Variants in LRIF1 observed in about 807,000 individuals in gnomAD.
The protein encoded by LRIF1 is ligand dependent nuclear receptor interacting factor 1, also known as ligand-dependent nuclear receptor-interacting factor 1.
In LRIF1, 32 loss-of-function variants were observed where a neutral mutation model predicts 52.7. That is an observed-to-expected ratio of 0.61 (90% CI 0.46 to 0.82). The LOEUF (loss-of-function observed/expected upper bound fraction) is 0.82. Ranked by LOEUF, LRIF1 falls within the 40% of genes least tolerant of loss-of-function variation. The pLI, the probability that LRIF1 is intolerant of heterozygous loss-of-function variation, is 0.00. For synonymous variants in LRIF1, 323 were observed against 317.4 expected, an observed-to-expected ratio of 1.02 and a Z score of -0.19; for missense variants, 887 against 892.0, an observed-to-expected ratio of 0.99 and a Z score of 0.07.
At chr1:110,903,899 G>A in the LRIF1 span, among the ~76,000 whole-genome samples, 1 of 152,338 alleles carries the variant, frequency 6.6e-6, no homozygotes, top group Non-Finnish European at 1.5e-5. Flanking sequence ...GGAGCCCACT[G>A]CCCTGAAGGG....
At chr1:110,888,511 T>G in the LRIF1 span, among the ~76,000 whole-genome samples, 4 of 152,340 alleles carry the variant, frequency 2.6e-5, no homozygotes, top group Middle Eastern at 3.4e-3. Context: ...TTCAGTGTTT[T>G]GCAGACCATT....
chr1:110,927,864 A>G, the LRIF1 span, among the ~76,000 whole-genome samples: 1 of 152,226 alleles, frequency 6.6e-6, no homozygotes, highest in African/African-American at 2.4e-5. Flanking sequence ...AGCAGCTGTT[A>G]TAGTACATAT....
the LRIF1 span, among the ~76,000 whole-genome samples, chr1:110,895,565 T>C: frequency 6.6e-6 from 1 of 152,154 alleles, no homozygotes; most frequent in Admixed American, 6.6e-5. Flanking sequence ...TATAATCTAT[T>C]TGTGTCTCGA....
At chr1:110,899,091 G>A in the LRIF1 span, 1 of 1,578,244 alleles carries the variant, frequency 6.3e-7, no homozygotes, top group Admixed American at 1.7e-5. Context: ...CTTTTCTTAT[G>A]AAGACTTCAA....
intron 1 of LRIF1, among the ~76,000 whole-genome samples, chr1:110,959,651 G>A (rs1164521369): frequency 1.3e-5 from 2 of 149,712 alleles, no homozygotes; most frequent in African/African-American, 2.5e-5. Flanking sequence ...TTGGGAGGCT[G>A]AGGCAGGAGA....
the LRIF1 span, among the ~76,000 whole-genome samples, chr1:110,889,555 C>CAAAT: frequency 0.3 from 43,148 of 146,170 alleles, 7,620 homozygotes; most frequent in African/African-American, 0.5. Flanking sequence ...AAAACTCCGT[C>CAAAT]AAATAAATAA....
At chr1:110,886,845 C>T in the LRIF1 span, among the ~76,000 whole-genome samples, 6 of 38,904 alleles carry the variant, frequency 1.5e-4, no homozygotes, top group Non-Finnish European at 3.1e-4. Flanking sequence ...ACTCTGTCTC[C>T]AATATATATA....
chr1:110,951,469 A>G lies in LRIF1; in HGVS notation c.1415T>C (p.Leu472Ser). 2.5e-6 allele frequency: 4 copies of G among 1,614,132 alleles called. No individual in the cohort carries two copies. In the East Asian group the frequency reaches 6.7e-5, roughly 27 times the overall value. The stretch of plus-strand genomic sequence containing the variant: ...AACTGGAAAGATTGGATTTGTGAAT[A>G]AAGTCTTACTCTGTTTTAAGTAGTT... ...SSNYLKQSKT[L>S]FTNPIFPVGF... The change falls in exon 2 of 4, where the codon TTA becomes TCA. Residue 472 changes from leucine to serine, a missense_variant. Leu to Ser is a moderately radical substitution (Grantham distance 145). Coordinates refer to ENST00000369763, the MANE Select transcript of LRIF1 (RefSeq NM_018372.4).
chr1:110,922,692 C>G, the LRIF1 span, among the ~76,000 whole-genome samples: 1 of 152,266 alleles, frequency 6.6e-6, no homozygotes, highest in East Asian at 1.9e-4. Flanking sequence ...TAACAAATTA[C>G]CACAAACTTA....
At chr1:110,947,171 A>G (rs1658232604), downstream of LRIF1, 1 of 152,220 alleles carries the variant, frequency 6.6e-6, no homozygotes, top group Non-Finnish European at 1.5e-5. Context: ...CAAATCAAAG[A>G]TTAACCAGAC....
At chr1:110,962,497 C>A (rs769346724) in intron 1 of LRIF1, among the ~76,000 whole-genome samples, 33 of 152,054 alleles carry the variant, frequency 2.2e-4, no homozygotes, top group Non-Finnish European at 1.0e-4. Flanking sequence ...TTTCTACTTG[C>A]AATTAAAGAA....
At chr1:110,920,198 C>T in the LRIF1 span, among the ~76,000 whole-genome samples, 1 of 152,104 alleles carries the variant, frequency 6.6e-6, no homozygotes, top group South Asian at 2.1e-4. Context: ...TTGGTGTTTA[C>T]CCAAAAGAAT....
rs1658635013 is a variant in LRIF1, at chr1:110,954,924, C to T, written c.69-2109G>A. On this transcript the variant is annotated intron_variant, in intron 1 of 3. Coordinates refer to ENST00000369763, the MANE Select transcript of LRIF1 (RefSeq NM_018372.4). ...TTACCAAAGCTTAGAAAGAATCCTT[C>T]TCTTCCTATTCTGTACTCTTTTGTT... 5.3e-5 allele frequency among the ~76,000 whole-genome samples: 8 copies of T among 152,336 alleles called. No homozygotes were observed. The South Asian group carries it at 1.7e-3, about 32-fold the overall frequency.
chr1:110,888,822 A>C, the LRIF1 span, among the ~76,000 whole-genome samples: 5 of 152,232 alleles, frequency 3.3e-5, no homozygotes, highest in African/African-American at 1.2e-4. Flanking sequence ...CTAAGTGCTC[A>C]AAGCTGTAGC....
the LRIF1 span, chr1:110,891,523 T>C: frequency 5.7e-5 from 79 of 1,394,712 alleles, no homozygotes; most frequent in South Asian, 9.0e-4. Context: ...CCAGCTAAGC[T>C]CTCCTCATTC....
At chr1:110,925,806 G>A in the LRIF1 span, among the ~76,000 whole-genome samples, 1 of 152,088 alleles carries the variant, frequency 6.6e-6, no homozygotes, top group South Asian at 2.1e-4. Context: ...TATCTAGAAT[G>A]AGAGAGTTTA....
At chr1:110,887,760 C>T in the LRIF1 span, among the ~76,000 whole-genome samples, 1 of 152,172 alleles carries the variant, frequency 6.6e-6, no homozygotes, top group South Asian at 2.1e-4. Flanking sequence ...GTGTGAATGC[C>T]AGGCACTGCT....
chr1:110,908,956 G>A, the LRIF1 span, among the ~76,000 whole-genome samples: 1 of 152,146 alleles, frequency 6.6e-6, no homozygotes, highest in African/African-American at 2.4e-5. Context: ...CAAAGTCAAT[G>A]TGAAAGAAAA....
At chr1:110,903,386 G>A in the LRIF1 span, among the ~76,000 whole-genome samples, 2 of 152,210 alleles carry the variant, frequency 1.3e-5, no homozygotes, top group African/African-American at 4.8e-5. Flanking sequence ...CTTAAGGAGA[G>A]GGGAGGGAAG....
Sources: allele counts gnomAD v4.1 joint callset (sites outside exome capture counted in the v4.1 genomes callset), GRCh38; gene constraint gnomAD v4.1.1; transcripts MANE v1.5; gene names NCBI Gene and HGNC (gene_info 2026-07-23, HGNC 2026-07-21).